The following NPSR1 variants were observed in gnomAD, a reference collection of about 807,000 sequenced individuals.
NPSR1 encodes the protein neuropeptide S receptor 1.
A neutral mutation model predicts 46.9 loss-of-function variants in NPSR1; 48 were observed. The ratio of observed to expected loss-of-function variants is 1.02; its 90% CI spans 0.81 to 1.30. NPSR1 has a LOEUF of 1.30. Among genes scored for constraint, NPSR1 ranks in the 50% most tolerant of loss-of-function variants. NPSR1 has a pLI of 0.00. For missense variants in NPSR1, 450 were observed against 449.5 expected (o/e 1.00, Z -0.01); for synonymous variants, 176 against 168.1 (o/e 1.05, Z -0.36).
intron 3 of NPSR1, among the ~76,000 whole-genome samples, chr7:34,799,504 C>T (rs541247858): frequency 1.1e-4 from 16 of 150,754 alleles, no homozygotes; most frequent in East Asian, 2.0e-4. Context: ...ATTTTACAGA[C>T]AAGCAAATGC....
At chr7:34,697,967 T>C (rs1793618148) in intron 2 of NPSR1, among the ~76,000 whole-genome samples, 1 of 152,104 alleles carries the variant, frequency 6.6e-6, no homozygotes, top group South Asian at 2.1e-4. Context: ...TTAATTTGTT[T>C]ATAAAAGGTG....
chr7:34,734,427 A>G lies in NPSR1; in HGVS notation c.281-44035A>G, dbSNP rs543895216. Among the ~76,000 whole-genome samples the G allele has an allele frequency of 2.6e-5, 4 of 152,130 alleles. No homozygotes were observed. In the East Asian group the frequency reaches 5.8e-4, roughly 22 times the overall value. ...GGAATGGAGAAACAGGCAGGCCTCA[A>G]CTTCCAGATATGTGTCTTGAACAGC... On this transcript the variant is annotated intron_variant, in intron 2 of 8. Transcript: ENST00000360581.
downstream of NPSR1, among the ~76,000 whole-genome samples, chr7:34,853,794 G>A (rs1261463697): frequency 2.0e-5 from 3 of 152,006 alleles, no homozygotes; most frequent in Admixed American, 6.6e-5. Flanking sequence ...GTGAAAACCC[G>A]TCTGTACTAA....
chr7:34,667,954 C>T (rs1009410324), intron 1 of NPSR1, among the ~76,000 whole-genome samples: 3 of 151,990 alleles, frequency 2.0e-5, no homozygotes, highest in East Asian at 3.9e-4. Flanking sequence ...AGTTCCATCC[C>T]TCAAGTGTCT....
intron 8 of NPSR1, among the ~76,000 whole-genome samples, chr7:34,858,356 CA>C (rs1310445805): frequency 6.6e-6 from 1 of 151,074 alleles, no homozygotes; most frequent in African/African-American, 2.5e-5. Flanking sequence ...TTTACAGCAA[CA>C]AAAAAATGAA....
chr7:34,804,003 T>G (rs1042199698), intron 3 of NPSR1, among the ~76,000 whole-genome samples: 1 of 151,938 alleles, frequency 6.6e-6, no homozygotes, highest in African/African-American at 2.4e-5. Flanking sequence ...GAATTAATAA[T>G]TAATAATCTT....
chr7:34,712,491 C>A (rs1783348929), intron 2 of NPSR1, among the ~76,000 whole-genome samples: 1 of 152,110 alleles, frequency 6.6e-6, no homozygotes, highest in Non-Finnish European at 1.5e-5. Context: ...TTACAATGTT[C>A]CATCTATTTT....
intron 4 of NPSR1, among the ~76,000 whole-genome samples, chr7:34,818,651 C>G (rs1406380160): frequency 6.6e-6 from 1 of 152,192 alleles, no homozygotes; most frequent in Non-Finnish European, 1.5e-5. Context: ...AGACATCAAG[C>G]TACCTGACTT....
At chr7:34,850,586 G>C (rs923581249), downstream of NPSR1, among the ~76,000 whole-genome samples, 1 of 152,054 alleles carries the variant, frequency 6.6e-6, no homozygotes, top group Non-Finnish European at 1.5e-5. Context: ...ATTTTTAGTA[G>C]AGACGGAGTT....
chr7:34,740,735 G>A (rs1784901368), intron 2 of NPSR1, among the ~76,000 whole-genome samples: 1 of 152,154 alleles, frequency 6.6e-6, no homozygotes, highest in African/African-American at 2.4e-5. Context: ...CACAGTTTGG[G>A]CACTCACAGG....
intron 3 of NPSR1, 110 bp from the exon 4 acceptor site, chr7:34,811,660 T>A: frequency 1.5e-6 from 1 of 687,006 alleles, no homozygotes; most frequent in Non-Finnish European, 2.5e-6. Context: ...ACTCACCCCT[T>A]CTTTGGTTCA....
intron 5 of NPSR1, among the ~76,000 whole-genome samples, chr7:34,832,516 A>G (rs1022402095): frequency 2.0e-5 from 3 of 151,820 alleles, no homozygotes; most frequent in Non-Finnish European, 4.4e-5. Context: ...CCTGTGTCCA[A>G]AAAAAAATGG....
intron 8 of NPSR1, among the ~76,000 whole-genome samples, chr7:34,864,373 AT>A (rs1206036553): frequency 7.4e-5 from 10 of 135,972 alleles, no homozygotes; most frequent in African/African-American, 2.4e-4. Flanking sequence ...AAGTATAATA[AT>A]AAAAAAAAAA....
At chr7:34,667,752 T>C (rs563313993) in intron 1 of NPSR1, among the ~76,000 whole-genome samples, 7 of 152,130 alleles carry the variant, frequency 4.6e-5, no homozygotes, top group African/African-American at 1.7e-4. Flanking sequence ...CAAGCCTCTC[T>C]TTTCCCAGCC....
chr7:34,842,758 C>T (rs1249781440), intron 6 of NPSR1, among the ~76,000 whole-genome samples: 1 of 152,172 alleles, frequency 6.6e-6, no homozygotes, highest in Non-Finnish European at 1.5e-5. Flanking sequence ...ATCATTTGTC[C>T]TCTGCAATGA....
At chr7:34,774,431 A>G (rs368518936) in intron 2 of NPSR1, among the ~76,000 whole-genome samples, 3 of 152,110 alleles carry the variant, frequency 2.0e-5, no homozygotes, top group East Asian at 1.9e-4. Context: ...CCATTTTCCA[A>G]TAGAAGGCTG....
At chr7:34,670,324 T>C (rs1355130551) in intron 1 of NPSR1, among the ~76,000 whole-genome samples, 1 of 152,054 alleles carries the variant, frequency 6.6e-6, no homozygotes, top group Non-Finnish European at 1.5e-5. Flanking sequence ...GGTACATATA[T>C]GAACTTAATG....
At chr7:34,812,260 C>G (rs891509947) in intron 4 of NPSR1, among the ~76,000 whole-genome samples, 2 of 152,160 alleles carry the variant, frequency 1.3e-5, no homozygotes, top group African/African-American at 4.8e-5. Flanking sequence ...AAACAAACAC[C>G]TTGTTCTCCT....
At chr7:34,706,869 A>G (rs1034038812) in intron 2 of NPSR1, among the ~76,000 whole-genome samples, 1 of 152,190 alleles carries the variant, frequency 6.6e-6, no homozygotes, top group African/African-American at 2.4e-5. Flanking sequence ...ATTGGCTAAC[A>G]TCTGAATAAA....
Sources: gnomAD v4.1 joint callset for allele counts (sites outside exome capture counted in the v4.1 genomes callset) on GRCh38, gnomAD v4.1.1 for gene constraint, MANE v1.5 for transcripts, NCBI Gene and HGNC (gene_info 2026-07-23, HGNC 2026-07-21) for gene names.